SLF1: variants seen among roughly 807,000 people sequenced by gnomAD.
The protein encoded by SLF1 is SMC5/6 complex localization factor 1.
Under a neutral mutation model 123.0 loss-of-function variants are expected in SLF1, and 105 were observed. That is an observed-to-expected ratio of 0.85 (90% CI 0.73 to 1.00). The LOEUF (loss-of-function observed/expected upper bound fraction) is 1.00, where lower values mean the gene tolerates loss of function less well. Among genes scored for constraint, SLF1 ranks in the 50% least tolerant of loss-of-function variants. The probability of loss-of-function intolerance (pLI) is 0.00; values close to 1 mark genes in which losing one functional copy is unlikely to be tolerated. For synonymous variants in SLF1, 434 were observed against 406.6 expected, an observed-to-expected ratio of 1.07 and a Z score of -0.81; for missense variants, 1,239 against 1,223.0, an observed-to-expected ratio of 1.01 and a Z score of -0.20.
At chr5:94,678,458 T>C (rs1751355787) in intron 14 of SLF1, 1 of 162,644 alleles carries the variant, frequency 6.1e-6, no homozygotes, top group South Asian at 1.8e-4. Context: ...TTTATAGTCC[T>C]ATCTCTCCTA....
chr5:94,623,733 G>C (rs1561414913), intron 1 of SLF1, among the ~76,000 whole-genome samples: 1 of 151,902 alleles, frequency 6.6e-6, no homozygotes, highest in African/African-American at 2.4e-5. Context: ...TAATTGTCTG[G>C]GTTATTGATA....
chr5:94,670,346 T>A (rs1334131421), intron 13 of SLF1, 67 bp downstream of exon 13: 12 of 1,131,550 alleles, frequency 1.1e-5, no homozygotes, highest in South Asian at 1.9e-5. Flanking sequence ...ATTTTTTTTT[T>A]ACAATTATTA....
chr5:94,672,682 C>T (rs1434351249), intron 14 of SLF1, among the ~76,000 whole-genome samples: 1 of 151,968 alleles, frequency 6.6e-6, no homozygotes, highest in Non-Finnish European at 1.5e-5. Flanking sequence ...TGTTCCAAAC[C>T]ACTATGACTT....
intron 4 of SLF1, among the ~76,000 whole-genome samples, chr5:94,641,857 G>T (rs1198092540): frequency 6.6e-6 from 1 of 152,164 alleles, no homozygotes; most frequent in Non-Finnish European, 1.5e-5. Flanking sequence ...TGTACATGTA[G>T]GCAGTGGCCT....
chr5:94,655,614 G>A (rs12659597), intron 9 of SLF1, among the ~76,000 whole-genome samples: 33,835 of 151,810 alleles, frequency 0.22, 3,889 homozygotes, highest in East Asian at 0.34. Flanking sequence ...TGTCCATGTC[G>A]ATTTCTTTCA....
intron 14 of SLF1, among the ~76,000 whole-genome samples, chr5:94,677,945 G>T (rs1243894583): frequency 6.7e-6 from 1 of 149,984 alleles, no homozygotes; most frequent in Non-Finnish European, 1.5e-5. Context: ...TTTTGAGACG[G>T]AGTCTCACTC....
At chr5:94,685,871 A>G (rs1431951211) in intron 15 of SLF1, among the ~76,000 whole-genome samples, 1 of 151,526 alleles carries the variant, frequency 6.6e-6, no homozygotes, top group African/African-American at 2.4e-5. Flanking sequence ...CCCCCATAGT[A>G]GAGTGGGTGC....
intron 4 of SLF1, among the ~76,000 whole-genome samples, chr5:94,633,044 G>T (rs1409483423): frequency 6.6e-6 from 1 of 151,784 alleles, no homozygotes; most frequent in Non-Finnish European, 1.5e-5. Context: ...CGGCTGGAGT[G>T]CAGTGGCGTG....
At chr5:94,624,532 TATTA>T (rs1391286453) in intron 1 of SLF1, among the ~76,000 whole-genome samples, 8 of 152,198 alleles carry the variant, frequency 5.3e-5, no homozygotes, top group Non-Finnish European at 1.2e-4. Context: ...AATGTTACCT[TATTA>T]ATAATCAAAT....
chr5:94,619,472 A>G (rs1270666144), intron 1 of SLF1, among the ~76,000 whole-genome samples: 2 of 152,114 alleles, frequency 1.3e-5, no homozygotes, highest in Non-Finnish European at 2.9e-5. Context: ...TTCCACTTCC[A>G]AAGCCTCAGA....
intron 7 of SLF1, 56 bp from the exon 8 acceptor site, chr5:94,653,216 A>G (rs1747959619): frequency 1.8e-5 from 26 of 1,417,326 alleles, no homozygotes; most frequent in Non-Finnish European, 2.4e-5. Context: ...GTTTATTTGG[A>G]TTTTGTAACA....
chr5:94,678,805 T>C lies in SLF1; in HGVS notation c.1828-3T>C. 1 of 1,608,708 alleles carries C rather than the reference T, an allele frequency of 6.2e-7. No individual in the cohort carries two copies. Among genetic ancestry groups the C allele is most frequent in the East Asian group, 2.2e-5 (1 of 44,748 alleles). On this transcript the variant is annotated splice_region_variant and splice_polypyrimidine_tract_variant and intron_variant, in intron 14 of 20. Coordinates refer to ENST00000265140, the MANE Select transcript of SLF1 (RefSeq NM_032290.4). ...TAGTAATTTTTTTGTATCTTAATGT[T>C]AGGTCTTCAAACATGAACTAGCTTA...
chr5:94,666,507 C>G (rs1012223146), intron 12 of SLF1, among the ~76,000 whole-genome samples: 1 of 152,298 alleles, frequency 6.6e-6, no homozygotes, highest in East Asian at 1.9e-4. Context: ...CTGTCACTGC[C>G]TAGACCTTCC....
intron 15 of SLF1, among the ~76,000 whole-genome samples, chr5:94,684,634 G>C (rs569574532): frequency 1.4e-4 from 20 of 145,788 alleles, no homozygotes; most frequent in Non-Finnish European, 2.2e-4. Context: ...GGAGGCAGAG[G>C]TTGCAGTGAG....
chr5:94,683,677 G>A (rs967059026), intron 15 of SLF1, among the ~76,000 whole-genome samples: 1 of 152,126 alleles, frequency 6.6e-6, no homozygotes, highest in Non-Finnish European at 1.5e-5. Context: ...CTGGCTGATG[G>A]GAAGAGAGGC....
chr5:94,644,130 CTCTT>C (rs974202897), intron 5 of SLF1, among the ~76,000 whole-genome samples: 3 of 152,116 alleles, frequency 2.0e-5, no homozygotes, highest in Non-Finnish European at 4.4e-5. Context: ...AACCACTTCT[CTCTT>C]TCTGTACTAA....
chr5:94,640,742 G>A (rs147645564), intron 4 of SLF1, among the ~76,000 whole-genome samples: 17 of 152,060 alleles, frequency 1.1e-4, no homozygotes, highest in African/African-American at 3.9e-4. Flanking sequence ...TTTCAGTTGT[G>A]TTCAGTCTGC....
chr5:94,641,568 T>C (rs529881476), intron 4 of SLF1, among the ~76,000 whole-genome samples: 10 of 152,306 alleles, frequency 6.6e-5, no homozygotes, highest in African/African-American at 2.2e-4. Flanking sequence ...TTGTGCTTAT[T>C]ATGGGGACTG....
At chr5:94,645,687 G>T (rs980852366) in intron 5 of SLF1, among the ~76,000 whole-genome samples, 1 of 152,158 alleles carries the variant, frequency 6.6e-6, no homozygotes, top group Non-Finnish European at 1.5e-5. Flanking sequence ...GTGGAGGGCA[G>T]CAATAGTATA....
Sources: allele counts gnomAD v4.1 joint callset (sites outside exome capture counted in the v4.1 genomes callset), GRCh38; gene constraint gnomAD v4.1.1; transcripts MANE v1.5; gene names NCBI Gene and HGNC (gene_info 2026-07-23, HGNC 2026-07-21).